FAT3: variants seen among roughly 807,000 people sequenced by gnomAD.
FAT3 encodes FAT atypical cadherin 3, also known as protocadherin Fat 3.
In FAT3, 95 loss-of-function variants were observed where a neutral mutation model predicts 310.2. The ratio of observed to expected loss-of-function variants is 0.31; its 90% CI spans 0.26 to 0.36. FAT3 has a LOEUF of 0.36. Ranked by LOEUF, FAT3 falls within the 10% of genes least tolerant of loss-of-function variation. FAT3 has a pLI of 1.00. For missense variants in FAT3, 5,408 were observed against 5,715.6 expected (o/e 0.95, Z 1.74); for synonymous variants, 2,314 against 2,192.9 (o/e 1.06, Z -1.54).
intron 2 of FAT3, among the ~76,000 whole-genome samples, chr11:92,412,111 T>G (rs766499106): frequency 2.6e-5 from 4 of 152,028 alleles, no homozygotes; most frequent in Non-Finnish European, 4.4e-5. Flanking sequence ...TATTATTATT[T>G]ATTATTTTTT....
At chr11:92,849,631 C>T (rs973656440) in intron 19 of FAT3, among the ~76,000 whole-genome samples, 7 of 151,934 alleles carry the variant, frequency 4.6e-5, no homozygotes, top group Non-Finnish European at 4.4e-5. Flanking sequence ...TATTGGGGCA[C>T]GGAGGAAGCA....
chr11:92,390,384 A>G (rs1949721873), intron 2 of FAT3, among the ~76,000 whole-genome samples: 1 of 152,146 alleles, frequency 6.6e-6, no homozygotes, highest in African/African-American at 2.4e-5. Context: ...GAGTTTGTCC[A>G]GCACTAGCCA....
chr11:92,407,407 C>A (rs1950157855), intron 2 of FAT3, among the ~76,000 whole-genome samples: 1 of 152,144 alleles, frequency 6.6e-6, no homozygotes, highest in Admixed American at 6.5e-5. Flanking sequence ...ACAACACTGA[C>A]TACAACATAG....
chr11:92,853,116 G>C (rs1565651428), intron 19 of FAT3, among the ~76,000 whole-genome samples: 1 of 152,250 alleles, frequency 6.6e-6, no homozygotes, highest in Non-Finnish European at 1.5e-5. Context: ...CCAAGGGCGA[G>C]CCAGGCGTGG....
intron 4 of FAT3, among the ~76,000 whole-genome samples, chr11:92,712,457 A>G (rs989621291): frequency 3.3e-5 from 5 of 152,208 alleles, no homozygotes; most frequent in African/African-American, 1.2e-4. Flanking sequence ...TAAAAATGTA[A>G]AGAAATATAT....
At position 92,811,420 on chromosome 11, in the gene FAT3, G is replaced by A. The variant is rs375361392; in HGVS notation, c.9481+1344G>A. ...CCATGAAGGAATTGAGTGTACCCAG[G>A]CTACTAGACTGGACATGGACGTCTG... On this transcript the variant is annotated intron_variant, in intron 13 of 27. Coordinates refer to ENST00000525166, the MANE Select transcript of FAT3 (RefSeq NM_001367949.2). 9.9e-5 allele frequency among the ~76,000 whole-genome samples: 15 copies of A among 152,116 alleles called. No homozygotes were observed. The East Asian group carries it at 2.7e-3, about 27-fold the overall frequency.
chr11:92,764,761 C>G (rs1341872355), intron 5 of FAT3, 118 bp from the exon 6 acceptor site: 22 of 894,872 alleles, frequency 2.5e-5, no homozygotes, highest in Non-Finnish European at 3.4e-5. Flanking sequence ...CTCCTTTCTT[C>G]CCCTTGCTGA....
chr11:92,751,285 C>T (rs1454882724), intron 4 of FAT3, among the ~76,000 whole-genome samples: 1 of 152,094 alleles, frequency 6.6e-6, no homozygotes, highest in East Asian at 1.9e-4. Flanking sequence ...GGATAATAAT[C>T]GCATCTTACT....
chr11:92,737,739 C>T (rs964244244), intron 4 of FAT3, among the ~76,000 whole-genome samples: 1 of 151,782 alleles, frequency 6.6e-6, no homozygotes, highest in Admixed American at 6.6e-5. Context: ...GAATTAATTA[C>T]TGTAATTTGG....
intron 6 of FAT3, among the ~76,000 whole-genome samples, chr11:92,768,771 G>A (rs1431400384): frequency 1.3e-5 from 2 of 152,146 alleles, no homozygotes; most frequent in Non-Finnish European, 2.9e-5. Context: ...GATCTGAAAT[G>A]AGGTCTCAGA....
chr11:92,850,448 C>T (rs770764822), intron 19 of FAT3, among the ~76,000 whole-genome samples: 16 of 152,122 alleles, frequency 1.1e-4, no homozygotes, highest in Admixed American at 2.6e-4. Context: ...TGAAATCATA[C>T]AGAAAATATG....
At chr11:92,792,443 G>C (rs889257804) in intron 8 of FAT3, among the ~76,000 whole-genome samples, 3 of 152,148 alleles carry the variant, frequency 2.0e-5, no homozygotes, top group Non-Finnish European at 2.9e-5. Flanking sequence ...CACAAATAAG[G>C]GGGAGGCCAC....
At chr11:92,542,429 G>A (rs1452533364) in intron 3 of FAT3, among the ~76,000 whole-genome samples, 1 of 151,732 alleles carries the variant, frequency 6.6e-6, no homozygotes, top group Non-Finnish European at 1.5e-5. Context: ...TGTAAGCTAT[G>A]CATCTAATAA....
At chr11:92,306,022 ACT>A (rs1003352803) in intron 1 of FAT3, among the ~76,000 whole-genome samples, 1 of 151,998 alleles carries the variant, frequency 6.6e-6, no homozygotes, top group African/African-American at 2.4e-5. Context: ...GTATGTGGAA[ACT>A]CTTTGAACAA....
intron 4 of FAT3, among the ~76,000 whole-genome samples, chr11:92,713,258 C>T (rs1944580703): frequency 6.6e-6 from 1 of 152,208 alleles, no homozygotes; most frequent in Non-Finnish European, 1.5e-5. Context: ...AAGGGAAAAG[C>T]ATTGTTCTCA....
chr11:92,372,293 G>A (rs1177055495), intron 2 of FAT3, among the ~76,000 whole-genome samples: 1 of 151,702 alleles, frequency 6.6e-6, no homozygotes, highest in Non-Finnish European at 1.5e-5. Flanking sequence ...TTCTGTGGTA[G>A]GAACAGAGAG....
intron 4 of FAT3, among the ~76,000 whole-genome samples, chr11:92,741,519 A>G (rs970804107): frequency 6.6e-6 from 1 of 152,240 alleles, no homozygotes; most frequent in Non-Finnish European, 1.5e-5. Flanking sequence ...ACTGGTGACT[A>G]TAAATCTATG....
chr11:92,238,818 A>AAAGAATCCTG (rs1306650964), intron 1 of FAT3, among the ~76,000 whole-genome samples: 3 of 152,134 alleles, frequency 2.0e-5, no homozygotes, highest in Non-Finnish European at 4.4e-5. Flanking sequence ...GAATGTGGAT[A>AAAGAATCCTG]AAGAATCCTG....
chr11:92,533,775 C>A (rs1954158041), intron 3 of FAT3, among the ~76,000 whole-genome samples: 1 of 152,084 alleles, frequency 6.6e-6, no homozygotes, highest in South Asian at 2.1e-4. Context: ...TCATGTCCTG[C>A]TAACCCACTG....
Sources: gnomAD v4.1 joint callset for allele counts (sites outside exome capture counted in the v4.1 genomes callset) on GRCh38, gnomAD v4.1.1 for gene constraint, MANE v1.5 for transcripts, NCBI Gene and HGNC (gene_info 2026-07-23, HGNC 2026-07-21) for gene names.